ZNF286A: variants seen among roughly 807,000 people sequenced by gnomAD.
ZNF286A encodes zinc finger protein ZNF286.
In ZNF286A, 34 loss-of-function variants were observed where a neutral mutation model predicts 49.3. The ratio of observed to expected loss-of-function variants is 0.69; its 90% confidence interval spans 0.52 to 0.92. The LOEUF (loss-of-function observed/expected upper bound fraction) is 0.92, where lower values mean the gene tolerates loss of function less well. Ranked by LOEUF, ZNF286A falls within the 40% of genes least tolerant of loss-of-function variation. ZNF286A has a pLI of 0.00. For missense variants in ZNF286A, 462 were observed against 600.2 expected, an observed-to-expected ratio of 0.77 and a Z score of 2.41; for synonymous variants, 155 against 200.4, an observed-to-expected ratio of 0.77 and a Z score of 1.91.
In ZNF286A at chr17:15,716,162, T is replaced by C; in HGVS notation, c.438T>C (p.Ser146=). 6.2e-7 allele frequency: 1 copy of C among 1,613,880 alleles called. No individual in the cohort carries two copies. ...TAATAGACAGACTGACACGGAATAG[T>C]GTCTATGACTCTAACTTGGAAGCAG... The part of the protein sequence containing the change: ...VAIIDRLTRN[S]VYDSNLEAAL... The change falls in exon 6 of 6, where the codon AGT becomes AGC. Residue 146 remains serine, a synonymous_variant. Coordinates refer to ENST00000583566, the MANE Select transcript of ZNF286A (RefSeq NM_001130842.2).
At chr17:15,714,470 C>T (rs1966923023) in intron 5 of ZNF286A, among the ~76,000 whole-genome samples, 1 of 152,226 alleles carries the variant, frequency 6.6e-6, no homozygotes. Flanking sequence ...ATTTATTTAA[C>T]AAGCACTTAA....
intron 2 of ZNF286A, 133 bp from the exon 3 acceptor site, chr17:15,701,019 C>T (rs1272093653): frequency 8.1e-6 from 5 of 615,136 alleles, no homozygotes; most frequent in Non-Finnish European, 1.4e-5. Context: ...GGGAGGAGGT[C>T]GGTTGTTTTG....
chr17:15,702,454 G>A (rs1989854732), intron 3 of ZNF286A, among the ~76,000 whole-genome samples: 1 of 150,970 alleles, frequency 6.6e-6, no homozygotes, highest in African/African-American at 2.4e-5. Flanking sequence ...GGCAGAGGTT[G>A]CAGTGAGCCC....
At chr17:15,701,945 A>G (rs1989806715) in intron 3 of ZNF286A, among the ~76,000 whole-genome samples, 1 of 151,904 alleles carries the variant, frequency 6.6e-6, no homozygotes, top group African/African-American at 2.4e-5. Flanking sequence ...ACACGGTGAA[A>G]CCCCGTCTCT....
rs867407148 is a variant in ZNF286A at position 15,704,066 on chromosome 17, A to G, written c.127-2321A>G. Among the ~76,000 whole-genome samples the G allele has an allele frequency of 7.3e-3, 1,056 of 144,178 alleles. 12 individuals carry two copies. Among genetic ancestry groups the G allele is most frequent in the African/African-American group, 0.026 (1,007 of 39,390 alleles). The allele number at this position is 144,178 out of a possible 152,430, so 94.6% of individuals were successfully genotyped here. A position where few individuals can be genotyped will look rare whatever the true frequency, so the allele number is the denominator to read the frequency against. ...GAATAATTCTCTTATTATTATTATT[A>G]TTTTTTTTTTTTTGCTTTTCCAACT... On this transcript the variant is annotated intron_variant, in intron 3 of 5. Transcript: ENST00000583566.
In ZNF286A at chr17:15,717,356, G is replaced by C; in HGVS notation, c.*66G>C. The C allele has an allele frequency of 2.2e-6, 3 of 1,365,456 alleles. No individual in the cohort carries two copies. Among genetic ancestry groups the C allele is most frequent in the Non-Finnish European group, 3.0e-6 (3 of 1,008,366 alleles). The allele number at this position is 1,365,456 out of a possible 1,614,324, so 84.6% of individuals were successfully genotyped here. ...CTGTATTAAATACTTGAGTGTTTAG[G>C]TGGAAGGCGCATCCATAATATGCAT... On this transcript the variant is annotated 3_prime_UTR_variant, in exon 6 of 6. Transcript: ENST00000583566.
intron 4 of ZNF286A, 33 bp downstream of exon 4, chr17:15,706,534 A>AT: frequency 6.8e-7 from 1 of 1,477,266 alleles, no homozygotes. Context: ...GAATCTGCTT[A>AT]TAGGAGCATC....
intron 3 of ZNF286A, chr17:15,701,513 C>G (rs1989774210): frequency 3.4e-6 from 1 of 296,568 alleles, no homozygotes; most frequent in Non-Finnish European, 6.3e-6. Flanking sequence ...CATTTCTGTG[C>G]TTGGTAATGT....
chr17:15,716,920 A>G lies in ZNF286A; in HGVS notation c.1196A>G (p.Lys399Arg). Residue 399 changes from lysine (K) to arginine (R), a missense_variant, in exon 6 of 6, where the codon AAG becomes AGG. Lys to Arg is a conservative substitution (Grantham distance 26). Coordinates refer to ENST00000583566, the MANE Select transcript of ZNF286A (RefSeq NM_001130842.2). ...KAFSHCSSLT[K>R]HQRVHTGEKP... The stretch of plus-strand genomic sequence containing the variant: ...TTTAGCCATTGCTCATCCCTAACTA[A>G]GCATCAGAGAGTTCATACTGGAGAA... 6.2e-7 allele frequency: 1 copy of G among 1,611,006 alleles called. No individual in the cohort carries two copies. Among genetic ancestry groups the G allele is most frequent in the South Asian group, 1.1e-5 (1 of 90,984 alleles).
rs201779127 is a variant in ZNF286A at position 15,711,859 on chromosome 17, TG to T, written c.334+3613del. On this transcript the variant is annotated intron_variant, in intron 5 of 5. Transcript: ENST00000583566. Reference sequence around the variant, plus strand: ...TCTAAATTTGCATTTATCTGTAATCTGCCCCCCCCCCGGCTTTTTTTTTTTT... The same window carrying T: ...TCTAAATTTGCATTTATCTGTAATCTCCCCCCCCCCGGCTTTTTTTTTTTT... Among the ~76,000 whole-genome samples, 179 of 83,202 alleles carry T rather than the reference TG, an allele frequency of 2.2e-3. 15 individuals are homozygous for T. The highest frequency in any genetic ancestry group is 6.2e-3 in the African/African-American group (131 of 20,962). 54.6% of individuals were successfully genotyped at this position (83,202 alleles called of 152,430 possible).
intron 5 of ZNF286A, among the ~76,000 whole-genome samples, chr17:15,711,873 C>CTT (rs769063767): frequency 0.2 from 16,304 of 79,678 alleles, 2,247 homozygotes; most frequent in African/African-American, 0.23. Flanking sequence ...CCCCCCCCGG[C>CTT]TTTTTTTTTT....
At position 15,708,189 on chromosome 17, in the gene ZNF286A, G is replaced by A. The variant is rs778881036; in HGVS notation, c.276G>A (p.Leu92=). 2 of 1,598,960 alleles carry A rather than the reference G, an allele frequency of 1.3e-6. No individual in the cohort carries two copies. Among genetic ancestry groups the A allele is most frequent in the East Asian group, 2.3e-5 (1 of 43,978 alleles). ...TTTCCAAACCTGAGAGCTACAACTT[G>A]GAGAATGGAAAAGAACCATTGAAGC... ...LPVSKPESYN[L]ENGKEPLKLE... is the part of the protein sequence containing the mutation. The change falls in exon 5 of 6, where the codon TTG becomes TTA. Residue 92 remains leucine, a synonymous_variant. Transcript: ENST00000583566.
intron 5 of ZNF286A, among the ~76,000 whole-genome samples, chr17:15,715,245 A>G (rs899930445): frequency 6.6e-6 from 1 of 151,698 alleles, no homozygotes; most frequent in Non-Finnish European, 1.5e-5. Flanking sequence ...AGCAAACAGT[A>G]TAGGTATTTG....
chr17:15,705,717 G>A (rs1597713005), intron 3 of ZNF286A, among the ~76,000 whole-genome samples: 1 of 152,022 alleles, frequency 6.6e-6, no homozygotes, highest in East Asian at 1.9e-4. Context: ...TGTTGTCTAT[G>A]GGTTTACTTA....
At chr17:15,702,387 C>CACTT (rs1293434692) in intron 3 of ZNF286A, among the ~76,000 whole-genome samples, 1 of 151,554 alleles carries the variant, frequency 6.6e-6, no homozygotes, top group Non-Finnish European at 1.5e-5. Context: ...TGGTGGTGCG[C>CACTT]ACTTGTAATC....
intron 5 of ZNF286A, among the ~76,000 whole-genome samples, chr17:15,712,275 A>G (rs1337924742): frequency 6.6e-6 from 1 of 152,196 alleles, no homozygotes; most frequent in Non-Finnish European, 1.5e-5. Context: ...CAACTGATCA[A>G]CTGTTTGCAG....
chr17:15,710,638 T>C (rs1424530460), intron 5 of ZNF286A, among the ~76,000 whole-genome samples: 2 of 152,174 alleles, frequency 1.3e-5, no homozygotes, highest in Non-Finnish European at 2.9e-5. Flanking sequence ...AGAAAATCCT[T>C]CCTGGATATT....
At chr17:15,715,306 A>T (rs3865263) in intron 5 of ZNF286A, among the ~76,000 whole-genome samples, 2 of 150,638 alleles carry the variant, frequency 1.3e-5, no homozygotes, top group Non-Finnish European at 3.0e-5. Flanking sequence ...GTGCTTATTT[A>T]TAGCTTGCTT....
At chr17:15,715,854 C>A (rs1967018000) in intron 5 of ZNF286A, 2 of 1,349,970 alleles carry the variant, frequency 1.5e-6, no homozygotes, top group Admixed American at 5.7e-5. Flanking sequence ...TCCGACTCTC[C>A]TGGATAGGAT....
Sources: allele counts gnomAD v4.1 joint callset (sites outside exome capture counted in the v4.1 genomes callset), GRCh38; gene constraint gnomAD v4.1.1; transcripts MANE v1.5; gene names NCBI Gene and HGNC (gene_info 2026-07-23, HGNC 2026-07-21).